The following CIB3 variants were observed in gnomAD, a reference collection of about 807,000 sequenced individuals.
CIB3 encodes calcium and integrin binding family member 3, also known as calcium and integrin-binding family member 3.
A neutral mutation model predicts 23.4 loss-of-function variants in CIB3; 22 were observed. The observed-to-expected ratio is 0.94, with a 90% confidence interval of 0.67 to 1.34. The LOEUF is 1.34. CIB3 is among the 40% of genes most tolerant of loss of function. The probability of loss-of-function intolerance (pLI) is 0.00; values close to 1 mark genes in which losing one functional copy is unlikely to be tolerated. For missense variants in CIB3, 258 were observed against 247.3 expected (o/e 1.04, Z -0.29); for synonymous variants, 93 against 95.8 (o/e 0.97, Z 0.17).
rs6512087 is a variant in CIB3, at chr19:16,164,844, C to G, written c.416G>C (p.Gly139Ala). ...EQTVTKLTRG[G>A]LSAEEVSLVC... Reference sequence around the variant, plus strand: ...CAGGCTCACCTCCTCGGCACTCAGCCCCCCCCGCGTCAGTTTGGTCACCGT... The same window carrying G: ...CAGGCTCACCTCCTCGGCACTCAGCGCCCCCCGCGTCAGTTTGGTCACCGT... The change falls in exon 5 of 6, where the codon GGG (glycine) becomes GCG (alanine). Residue 139 changes from glycine (G) to alanine (A), a missense_variant. Transcript: ENST00000269878. 9,211 of 1,613,560 alleles carry G rather than the reference C, an allele frequency of 5.7e-3. 452 individuals carry two copies. In the African/African-American group the frequency reaches 0.11, roughly 19 times the overall value.
At chr19:16,166,360 T>C (rs1189189301) in intron 4 of CIB3, among the ~76,000 whole-genome samples, 3 of 152,192 alleles carry the variant, frequency 2.0e-5, no homozygotes, top group Non-Finnish European at 2.9e-5. Context: ...TGACAGCTCT[T>C]TCATTCATTT....
chr19:16,168,419 C>G (rs762507256), intron 3 of CIB3, 135 bp from the exon 4 acceptor site: 1 of 1,285,734 alleles, frequency 7.8e-7, no homozygotes, highest in Non-Finnish European at 1.1e-6. Context: ...CTCCCATGGT[C>G]CCTGGACAGG....
chr19:16,168,089 C>CACCCCA, intron 4 of CIB3, 48 bp downstream of exon 4: 3 of 1,541,736 alleles, frequency 1.9e-6, no homozygotes, highest in Non-Finnish European at 2.6e-6. Flanking sequence ...CCAGTTCCCA[C>CACCCCA]TCCCCACCCC....
intron 5 of CIB3, among the ~76,000 whole-genome samples, chr19:16,162,552 G>C (rs1419916207): frequency 6.6e-6 from 1 of 152,158 alleles, no homozygotes; most frequent in Admixed American, 6.6e-5. Context: ...AGGAGTTCAA[G>C]ACCAGCCTGG....
chr19:16,169,607 T>C, intron 3 of CIB3, 23 bp downstream of exon 3: 1 of 1,602,002 alleles, frequency 6.2e-7, no homozygotes, highest in Non-Finnish European at 8.5e-7. Context: ...TTTTACCCTG[T>C]TTGTCCCATG....
In CIB3 at chr19:16,161,498, G is replaced by C. The variant is rs566749931; in HGVS notation, c.543-12C>G. 9.3e-6 allele frequency: 15 copies of C among 1,613,858 alleles called. No homozygotes were observed. The Admixed American group carries it at 1.0e-4, about 11-fold the overall frequency. On this transcript the variant is annotated splice_polypyrimidine_tract_variant and intron_variant, in intron 5 of 5. Transcript: ENST00000269878. Reference sequence around the variant, plus strand: ...GGATGTGGAAGGTGCTGTGTGCAGAGAGAAAAGGAGTCAAGGCCTTCAAGG... The same window carrying C: ...GGATGTGGAAGGTGCTGTGTGCAGACAGAAAAGGAGTCAAGGCCTTCAAGG...
At chr19:16,165,111 T>C (rs2091300687) in intron 4 of CIB3, among the ~76,000 whole-genome samples, 198 bp from the exon 5 acceptor site, 1 of 151,906 alleles carries the variant, frequency 6.6e-6, no homozygotes, top group Non-Finnish European at 1.5e-5. Context: ...CTGGCCAACA[T>C]GGTGAAATCC....
rs979506321 is a variant in CIB3, at chr19:16,164,833, C to T, written c.427G>A (p.Glu143Lys). 84 of 1,613,830 alleles carry T rather than the reference C, an allele frequency of 5.2e-5. No homozygotes were observed. Among genetic ancestry groups the T allele is most frequent in the Non-Finnish European group, 6.7e-5 (79 of 1,179,992 alleles). ...TKLTRGGLSA[E>K]EVSLVCEKVL... is the part of the protein sequence containing the mutation. ...TTCTCACATACCAGGCTCACCTCCTCGGCACTCAGCCCCCCCCGCGTCAGT... is the reference window on the plus strand; with the variant it reads ...TTCTCACATACCAGGCTCACCTCCTTGGCACTCAGCCCCCCCCGCGTCAGT... Residue 143 changes from glutamate (E) to lysine (K), a missense_variant, in exon 5 of 6, where the codon GAG becomes AAG. Physicochemically the swap from Glu to Lys is moderately conservative, Grantham distance 56. Transcript: ENST00000269878.
rs542205215 is a variant in CIB3, at chr19:16,166,219, G to A, written c.347-1306C>T. On this transcript the variant is annotated intron_variant, in intron 4 of 5. Transcript: ENST00000269878. ...GGCAGGAGAATCGCTTGAACCCAGG[G>A]AGTGGAAGTTGCAGTGATCTGAGAT... 3.5e-4 allele frequency among the ~76,000 whole-genome samples: 53 copies of A among 152,234 alleles called. 1 individual carries two copies. The South Asian group carries it at 9.3e-3, about 27-fold the overall frequency.
chr19:16,161,530 C>A, intron 5 of CIB3, 44 bp from the exon 6 acceptor site: 1 of 1,611,118 alleles, frequency 6.2e-7, no homozygotes, highest in Non-Finnish European at 8.5e-7. Context: ...AAGGAGTGGA[C>A]AACCCCTTTT....
intron 2 of CIB3, among the ~76,000 whole-genome samples, chr19:16,170,231 G>A (rs2091322447): frequency 6.6e-6 from 1 of 152,134 alleles, no homozygotes; most frequent in South Asian, 2.1e-4. Flanking sequence ...CTCCCTGGGG[G>A]CAGGGTCAAG....
At chr19:16,163,418 G>A (rs2091293347) in intron 5 of CIB3, among the ~76,000 whole-genome samples, 1 of 152,064 alleles carries the variant, frequency 6.6e-6, no homozygotes, top group African/African-American at 2.4e-5. Flanking sequence ...AGCTGGGCAT[G>A]GTGGCACGTG....
At chr19:16,164,491 C>G in intron 5 of CIB3, among the ~76,000 whole-genome samples, 1 of 152,100 alleles carries the variant, frequency 6.6e-6, no homozygotes, top group East Asian at 1.9e-4. Context: ...AGTCCAGCCA[C>G]ATTCTGCTTG....
Position 16,168,238 on chromosome 19 carries a change from C to G in CIB3, c.245G>C (p.Gly82Ala). ...QRIAQVFSEDGDGHMTLDNFL... is the reference protein window; with the variant it reads ...QRIAQVFSEDADGHMTLDNFL... The stretch of plus-strand genomic sequence containing the variant: ...GTTGTCCAGGGTCATGTGGCCATCC[C>G]CATCCTCAGAGAATACCTGGGCAAT... Residue 82 changes from glycine (G) to alanine (A), a missense_variant, in exon 4 of 6, where the codon GGG becomes GCG. Transcript: ENST00000269878. 1 of 1,613,750 alleles carries G rather than the reference C, an allele frequency of 6.2e-7. No individual in the cohort carries two copies. The highest frequency in any genetic ancestry group is 8.5e-7 in the Non-Finnish European group (1 of 1,179,922).
intron 5 of CIB3, among the ~76,000 whole-genome samples, chr19:16,162,473 C>G (rs2091288576): frequency 6.6e-6 from 1 of 151,776 alleles, no homozygotes; most frequent in Non-Finnish European, 1.5e-5. Context: ...AAAAACAGGC[C>G]GGGCATGACG....
rs2091336728 is a variant in CIB3 at position 16,173,114 on chromosome 19, T to C, written c.86+48A>G. ...ATTGCAAATATCCTCCAGCAATGAA[T>C]AGAAAGTTGTTTTTCCAGATCTTCT... On this transcript the variant is annotated intron_variant, in intron 2 of 5. Transcript: ENST00000269878. The C allele has an allele frequency of 3.1e-6, 5 of 1,608,872 alleles. No homozygotes were observed. In the South Asian group the frequency reaches 5.5e-5, roughly 18 times the overall value.
rs532959453 is a variant in CIB3, at chr19:16,163,105, G to T, written c.542+1613C>A. Among the ~76,000 whole-genome samples, 43 of 151,794 alleles carry T rather than the reference G, an allele frequency of 2.8e-4. No individual in the cohort carries two copies. The Middle Eastern group carries it at 0.01, about 36-fold the overall frequency. ...TACTGCCTCAGCCTCCTAAAATGCTGGGATTACAGGTGTGAGCCACTGCGC... is the reference window on the plus strand; with the variant it reads ...TACTGCCTCAGCCTCCTAAAATGCTTGGATTACAGGTGTGAGCCACTGCGC... On this transcript the variant is annotated intron_variant, in intron 5 of 5. Transcript: ENST00000269878.
At chr19:16,165,856 C>T (rs1461544998) in intron 4 of CIB3, among the ~76,000 whole-genome samples, 1 of 152,172 alleles carries the variant, frequency 6.6e-6, no homozygotes, top group African/African-American at 2.4e-5. Context: ...TCAGGCATCA[C>T]AGTAACTGAT....
chr19:16,162,243 C>CAAAAAAAA (rs79329568), intron 5 of CIB3, among the ~76,000 whole-genome samples: 1 of 52,470 alleles, frequency 1.9e-5, no homozygotes, highest in East Asian at 6.9e-4. Flanking sequence ...CTTGTCTCCA[C>CAAAAAAAA]AAAAAAAAAA....
Sources: gnomAD v4.1 joint callset for allele counts (sites outside exome capture counted in the v4.1 genomes callset) on GRCh38, gnomAD v4.1.1 for gene constraint, MANE v1.5 for transcripts, NCBI Gene and HGNC (gene_info 2026-07-23, HGNC 2026-07-21) for gene names.